The following GRIN2B variants were observed in gnomAD, a reference collection of about 807,000 sequenced individuals.
GRIN2B encodes the protein glutamate ionotropic receptor NMDA type subunit 2B, also known as glutamate receptor ionotropic, NMDA 2B.
Under a neutral mutation model 114.5 loss-of-function variants are expected in GRIN2B, and 5 were observed. The observed-to-expected ratio is 0.04, with a 90% confidence interval of 0.02 to 0.09. GRIN2B has a LOEUF of 0.09. GRIN2B is among the 10% of genes least tolerant of loss of function. GRIN2B has a pLI of 1.00. For missense variants in GRIN2B, 1,108 were observed against 1,943.5 expected (o/e 0.57, Z 8.08); for synonymous variants, 787 against 745.1 (o/e 1.06, Z -0.92).
chr12:13,579,756 GGTGCTACA>G (rs888257213), intron 10 of GRIN2B, among the ~76,000 whole-genome samples: 11 of 151,832 alleles, frequency 7.2e-5, no homozygotes, highest in Non-Finnish European at 1.5e-5. Context: ...TGAGGGTATG[GGTGCTACA>G]GTCGGATAAG....
chr12:13,873,187 G>A (rs1260016555), intron 2 of GRIN2B, among the ~76,000 whole-genome samples: 2 of 152,136 alleles, frequency 1.3e-5, no homozygotes, highest in Non-Finnish European at 2.9e-5. Context: ...AAAGTTTTAA[G>A]TTATACCTTC....
chr12:13,953,495 T>C (rs1365394901), intron 2 of GRIN2B, among the ~76,000 whole-genome samples: 2 of 152,216 alleles, frequency 1.3e-5, no homozygotes, highest in African/African-American at 2.4e-5. Context: ...TACTGCTCTT[T>C]ATTGCAGAGA....
intron 4 of GRIN2B, among the ~76,000 whole-genome samples, chr12:13,720,693 A>G (rs953550250): frequency 6.6e-6 from 1 of 151,974 alleles, no homozygotes; most frequent in Non-Finnish European, 1.5e-5. Flanking sequence ...CACCTTATTT[A>G]TAGGAGGGGC....
chr12:13,620,965 C>G (rs538980473), intron 5 of GRIN2B, among the ~76,000 whole-genome samples: 17 of 140,172 alleles, frequency 1.2e-4, no homozygotes, highest in African/African-American at 4.1e-4. Context: ...AAAAAAAAAT[C>G]TGAATATCAG....
intron 2 of GRIN2B, among the ~76,000 whole-genome samples, chr12:13,920,884 C>G (rs549828225): frequency 6.6e-6 from 1 of 152,214 alleles, no homozygotes; most frequent in South Asian, 2.1e-4. Context: ...TCAAAATACC[C>G]AAGGTGGCTT....
At position 13,537,753 on chromosome 12, in the gene GRIN2B, G is replaced by A. The variant is rs1435078456; in HGVS notation, c.*25030C>T. On this transcript the variant is annotated 3_prime_UTR_variant, in exon 14 of 14. Transcript: ENST00000609686. The stretch of plus-strand genomic sequence containing the variant: ...TTGAATGAGACTCTCTAGGGGATGA[G>A]ACTCAGGCATCAGCATTTCAGAAAT... 1 of 152,158 alleles carries A rather than the reference G, an allele frequency of 6.6e-6. No homozygotes were observed. The allele number at this position is 152,158 out of a possible 1,614,324, so 9.4% of individuals were successfully genotyped here. A position where few individuals can be genotyped will look rare whatever the true frequency, so the allele number is the denominator to read the frequency against.
At chr12:13,951,367 G>C (rs1867475617) in intron 2 of GRIN2B, among the ~76,000 whole-genome samples, 1 of 152,094 alleles carries the variant, frequency 6.6e-6, no homozygotes, top group Admixed American at 6.6e-5. Flanking sequence ...AAGCTAGAGA[G>C]CATTCATTCC....
At chr12:13,664,231 T>A (rs959143902) in intron 5 of GRIN2B, among the ~76,000 whole-genome samples, 2 of 151,986 alleles carry the variant, frequency 1.3e-5, no homozygotes, top group African/African-American at 4.8e-5. Context: ...GTTGCAATTA[T>A]TGGGCATGGA....
At chr12:13,673,253 C>A (rs1950039976) in intron 5 of GRIN2B, among the ~76,000 whole-genome samples, 1 of 152,124 alleles carries the variant, frequency 6.6e-6, no homozygotes, top group South Asian at 2.1e-4. Flanking sequence ...GAAGACACAT[C>A]ATGACATGTA....
At chr12:13,695,958 C>CT (rs1254951852) in intron 4 of GRIN2B, among the ~76,000 whole-genome samples, 2 of 152,124 alleles carry the variant, frequency 1.3e-5, no homozygotes, top group African/African-American at 4.8e-5. Context: ...GCATCAATTG[C>CT]TCCCTGTGAC....
chr12:13,958,814 G>T (rs183233917), intron 2 of GRIN2B, among the ~76,000 whole-genome samples: 6 of 152,184 alleles, frequency 3.9e-5, no homozygotes, highest in African/African-American at 1.4e-4. Context: ...AGACGAGAAG[G>T]TTATTTTAAA....
In GRIN2B at chr12:13,557,298, A is replaced by C. The variant is rs1428625069; in HGVS notation, c.*5485T>G. ...CAAACATCTGCTAGGCCTAAGAAAC[A>C]ATTGCCCCCCAGGTTAAGTAGCACC... On this transcript the variant is annotated 3_prime_UTR_variant, in exon 14 of 14. Transcript: ENST00000609686. 1 of 152,164 alleles carries C rather than the reference A, an allele frequency of 6.6e-6. No homozygotes were observed. The highest frequency in any genetic ancestry group is 1.5e-5 in the Non-Finnish European group (1 of 68,034). The allele number at this position is 152,164 out of a possible 1,614,324, so 9.4% of individuals were successfully genotyped here. A position where few individuals can be genotyped will look rare whatever the true frequency, so the allele number is the denominator to read the frequency against.
intron 2 of GRIN2B, among the ~76,000 whole-genome samples, chr12:13,974,880 G>A (rs1389666494): frequency 6.6e-6 from 1 of 151,964 alleles, no homozygotes; most frequent in African/African-American, 2.4e-5. Context: ...AAAGAACAGT[G>A]TAAAAGAGAC....
At chr12:13,628,565 A>G (rs1949591561) in intron 5 of GRIN2B, among the ~76,000 whole-genome samples, 1 of 152,264 alleles carries the variant, frequency 6.6e-6, no homozygotes, top group Non-Finnish European at 1.5e-5. Context: ...GATGCAAATC[A>G]TTGCACATTT....
chr12:13,837,728 G>A (rs1565557221), intron 3 of GRIN2B, among the ~76,000 whole-genome samples: 1 of 152,130 alleles, frequency 6.6e-6, no homozygotes, highest in Non-Finnish European at 1.5e-5. Context: ...GAAGGGCTTG[G>A]GGTTGGCGAT....
At chr12:13,884,257 C>CAA (rs35625430) in intron 2 of GRIN2B, among the ~76,000 whole-genome samples, 3 of 148,722 alleles carry the variant, frequency 2.0e-5, no homozygotes, top group African/African-American at 7.5e-5. Context: ...TTAATTCCTA[C>CAA]AAAAAAAAAA....
chr12:13,953,468 C>T (rs1867532696), intron 2 of GRIN2B, among the ~76,000 whole-genome samples: 1 of 152,138 alleles, frequency 6.6e-6, no homozygotes. Flanking sequence ...TGAGATCTGT[C>T]CCCCATCCCT....
At chr12:13,616,324 G>T in intron 6 of GRIN2B, 131 bp downstream of exon 6, 1 of 726,874 alleles carries the variant, frequency 1.4e-6, no homozygotes, top group South Asian at 1.5e-5. Flanking sequence ...TAATCCCACA[G>T]CTCAAAAGCA....
intron 5 of GRIN2B, among the ~76,000 whole-genome samples, chr12:13,666,378 A>G (rs1949975793): frequency 6.6e-6 from 1 of 152,154 alleles, no homozygotes. Flanking sequence ...GGAGGGTGGA[A>G]GGAAAGTAGA....
Sources: gnomAD v4.1 joint callset for allele counts (sites outside exome capture counted in the v4.1 genomes callset) on GRCh38, gnomAD v4.1.1 for gene constraint, MANE v1.5 for transcripts, NCBI Gene and HGNC (gene_info 2026-07-23, HGNC 2026-07-21) for gene names.